The following USP6 variants were observed in gnomAD, a reference collection of about 807,000 sequenced individuals.
The protein encoded by USP6 is ubiquitin carboxyl-terminal hydrolase 6.
A neutral mutation model predicts 175.7 loss-of-function variants in USP6; 128 were observed. The ratio of observed to expected loss-of-function variants is 0.73; its 90% CI spans 0.63 to 0.84. The LOEUF is 0.84. Among genes scored for constraint, USP6 ranks in the 40% least tolerant of loss-of-function variants. The probability of loss-of-function intolerance (pLI) is 0.00; values close to 1 mark genes in which losing one functional copy is unlikely to be tolerated. For missense variants in USP6, 1,498 were observed against 1,760.3 expected, an observed-to-expected ratio of 0.85 and a Z score of 2.67; for synonymous variants, 562 against 630.6, an observed-to-expected ratio of 0.89 and a Z score of 1.63.
At chr17:5,161,809 A>C (rs1343330313) in intron 32 of USP6, among the ~76,000 whole-genome samples, 195 bp downstream of exon 32, 12 of 152,204 alleles carry the variant, frequency 7.9e-5, no homozygotes, top group Admixed American at 7.9e-4. Flanking sequence ...TGAGATCAGG[A>C]GTTTGAGACC....
intron 37 of USP6, among the ~76,000 whole-genome samples, chr17:5,172,602 T>C (rs1463612239): frequency 6.6e-6 from 1 of 152,214 alleles, no homozygotes; most frequent in Non-Finnish European, 1.5e-5. Flanking sequence ...TTGACTTGTC[T>C]ATGGTCAAAA....
At chr17:5,146,224 C>T (rs1335577680) in intron 28 of USP6, 50 bp downstream of exon 28, 2 of 1,523,336 alleles carry the variant, frequency 1.3e-6, no homozygotes, top group South Asian at 1.3e-5. Context: ...TCAAAGATGA[C>T]ATTTTTCTCA....
At position 5,155,487 on chromosome 17, in the gene USP6, G is replaced by A. The variant is rs375391329; in HGVS notation, c.2709G>A (p.Leu903=). 81 of 1,613,978 alleles carry A rather than the reference G, an allele frequency of 5.0e-5. No homozygotes were observed. The highest frequency in any genetic ancestry group is 4.2e-6 in the Non-Finnish European group (5 of 1,180,014). ...ENRPSLFGMP[L]IVPCTVHTRK... is the part of the protein sequence containing the mutation. ...GCCCCAGCCTCTTTGGAATGCCATT[G>A]ATTGTTCCATGCACTGTGCATACCC... is the stretch of plus-strand genomic sequence containing the variant. The change falls in exon 31 of 38, where the codon TTG becomes TTA. Residue 903 remains leucine (L), a synonymous_variant. Coordinates refer to ENST00000574788, the MANE Select transcript of USP6 (RefSeq NM_001304284.2).
chr17:5,150,291 TAAAA>T (rs1157025599), intron 30 of USP6, among the ~76,000 whole-genome samples: 23 of 120,020 alleles, frequency 1.9e-4, no homozygotes, highest in African/African-American at 5.5e-4. Context: ...AAACTCCGTC[TAAAA>T]AAATAAATAA....
At chr17:5,157,552 C>T (rs2073910317) in intron 31 of USP6, among the ~76,000 whole-genome samples, 1 of 152,158 alleles carries the variant, frequency 6.6e-6, no homozygotes, top group Non-Finnish European at 1.5e-5. Context: ...TAAAAAGCTT[C>T]TAGATGTGGG....
At chr17:5,157,215 C>T (rs541895974) in intron 31 of USP6, among the ~76,000 whole-genome samples, 31 of 151,398 alleles carry the variant, frequency 2.0e-4, no homozygotes, top group Admixed American at 1.3e-3. Context: ...CCTCCTGAGT[C>T]GCTGGGATTA....
At position 5,116,380 on chromosome 17, in the gene USP6, C is replaced by T. The variant is rs898109456; in HGVS notation, c.-2288C>T. 1.3e-5 allele frequency: 2 copies of T among 152,468 alleles called. No individual in the cohort carries two copies. The highest frequency in any genetic ancestry group is 4.8e-5 in the African/African-American group (2 of 41,462). The allele number at this position is 152,468 out of a possible 1,614,324, so 9.4% of individuals were successfully genotyped here. On this transcript the variant is annotated 5_prime_UTR_variant, in exon 1 of 38. Transcript: ENST00000574788. ...CCGCACCATCGAGTCGAACCGAGTC[C>T]TCATGTTTTCCTAGACAAGCCGCTG...
chr17:5,144,538 C>T, intron 25 of USP6, 152 bp from the exon 26 acceptor site: 3 of 966,680 alleles, frequency 3.1e-6, no homozygotes, highest in South Asian at 2.3e-5. Context: ...CAAAAGATTT[C>T]ATGATTATCC....
At position 5,137,162 on chromosome 17, in the gene USP6, C is replaced by T. The variant is rs753133115; in HGVS notation, c.801C>T (p.Cys267=). ...GLCGQCASLG[C]LLRNLIDGIS... ...GCGGGCAGTGTGCCTCGTTAGGCTG[C>T]CTTCTCCGGAACCTGATTGACGGGG... Residue 267 remains cysteine (C), a synonymous_variant, in exon 19 of 38, where the codon TGC becomes TGT. Transcript: ENST00000574788. The T allele has an allele frequency of 1.9e-6, 3 of 1,613,378 alleles. No homozygotes were observed. The highest frequency in any genetic ancestry group is 3.3e-5 in the Admixed American group (2 of 59,992).
rs1287394183 is a variant in USP6, at chr17:5,139,332, A to G, written c.1156A>G (p.Arg386Gly). The change falls in exon 22 of 38, where the codon AGG becomes GGG. Residue 386 changes from arginine to glycine, a missense_variant. Physicochemically the swap from Arg to Gly is moderately radical, Grantham distance 125 (BLOSUM62 -2). Transcript: ENST00000574788. The stretch of plus-strand genomic sequence containing the variant: ...TGGGAAGACCCTCTGCAAGGGGTAT[A>G]GGCAGGCCCCTCCAGGCCCACCAGC... ...RGGKTLCKGY[R>G]QAPPGPPAQF... The G allele has an allele frequency of 6.2e-7, 1 of 1,612,178 alleles. No individual in the cohort carries two copies. Among genetic ancestry groups the G allele is most frequent in the Non-Finnish European group, 8.5e-7 (1 of 1,180,004 alleles).
At chr17:5,122,850 C>G (rs2072735198) in intron 4 of USP6, 1 of 152,280 alleles carries the variant, frequency 6.6e-6, no homozygotes, top group African/African-American at 2.4e-5. Flanking sequence ...TCTGTGGCCC[C>G]GCGGCGGGGG....
Position 5,158,614 on chromosome 17 carries a change from G to GGAGAGAGAGAGA in USP6, c.2829-2867_2829-2856dup, listed in dbSNP as rs71151843. Among the ~76,000 whole-genome samples the GGAGAGAGAGAGA allele has an allele frequency of 8.0e-4, 21 of 26,356 alleles. 5 individuals are homozygous for GGAGAGAGAGAGA. Among genetic ancestry groups the GGAGAGAGAGAGA allele is most frequent in the East Asian group, 3.2e-3 (3 of 928 alleles). The allele number at this position is 26,356 out of a possible 152,430, so 17.3% of individuals were successfully genotyped here. A position where few individuals can be genotyped will look rare whatever the true frequency, so the allele number is the denominator to read the frequency against. ...GAGAGAGAGAGAGAGAGGGAGAGGG[G>GGAGAGAGAGAGA]GAGAGAGAGAGAGAGAGAGAGAGAG... On this transcript the variant is annotated intron_variant, in intron 31 of 37. Transcript: ENST00000574788.
At chr17:5,149,704 T>C (rs2073711774) in intron 30 of USP6, among the ~76,000 whole-genome samples, 1 of 152,110 alleles carries the variant, frequency 6.6e-6, no homozygotes, top group Non-Finnish European at 1.5e-5. Flanking sequence ...TTGTTTTTTT[T>C]TTCTTAGAGG....
intron 4 of USP6, among the ~76,000 whole-genome samples, chr17:5,123,796 C>T (rs2072790940): frequency 6.6e-6 from 1 of 152,146 alleles, no homozygotes; most frequent in African/African-American, 2.4e-5. Flanking sequence ...TGGCTCACAC[C>T]TGTAGGACAC....
At chr17:5,138,476 C>CCCGAT in intron 21 of USP6, among the ~76,000 whole-genome samples, 1 of 152,306 alleles carries the variant, frequency 6.6e-6, no homozygotes, top group South Asian at 2.1e-4. Flanking sequence ...ATGTGTTGTG[C>CCCGAT]ACGCAGGAGA....
chr17:5,124,061 A>G (rs2072810559), intron 4 of USP6, among the ~76,000 whole-genome samples: 1 of 152,198 alleles, frequency 6.6e-6, no homozygotes, highest in Admixed American at 6.5e-5. Context: ...TCACACTCCT[A>G]GGCATGTGTG....
chr17:5,126,399 A>G (rs1275083848), intron 6 of USP6, among the ~76,000 whole-genome samples: 1 of 152,178 alleles, frequency 6.6e-6, no homozygotes, highest in Non-Finnish European at 1.5e-5. Context: ...GTAGTGAGGA[A>G]GGGCTGTAGT....
At chr17:5,130,766 T>A in intron 11 of USP6, 82 bp downstream of exon 11, 1 of 1,543,168 alleles carries the variant, frequency 6.5e-7, no homozygotes, top group Non-Finnish European at 8.9e-7. Flanking sequence ...AAGGCCTTTC[T>A]GATGCAGGAC....
At chr17:5,161,481 C>T (rs747614239) in intron 31 of USP6, 47 bp from the exon 32 acceptor site, 50 of 1,598,544 alleles carry the variant, frequency 3.1e-5, no homozygotes, top group African/African-American at 4.0e-5. Context: ...AGTTGGACCT[C>T]GAACCAGAAA....
Sources: allele counts gnomAD v4.1 joint callset (sites outside exome capture counted in the v4.1 genomes callset), GRCh38; gene constraint gnomAD v4.1.1; transcripts MANE v1.5; gene names NCBI Gene and HGNC (gene_info 2026-07-23, HGNC 2026-07-21).